The following NCOA2 variants were observed in gnomAD, a reference collection of about 807,000 sequenced individuals.
NCOA2 encodes the protein nuclear receptor coactivator 2, also known as class E basic helix-loop-helix protein 75.
A neutral mutation model predicts 145.1 loss-of-function variants in NCOA2; 21 were observed. The ratio of observed to expected loss-of-function variants is 0.14; its 90% CI spans 0.10 to 0.21. NCOA2 has a LOEUF of 0.21. Ranked by LOEUF, NCOA2 falls within the 10% of genes least tolerant of loss-of-function variation. The pLI, the probability that NCOA2 is intolerant of heterozygous loss-of-function variation, is 1.00. For synonymous variants in NCOA2, 619 were observed against 637.5 expected (o/e 0.97, Z 0.44); for missense variants, 1,472 against 1,837.6 (o/e 0.80, Z 3.64).
At chr8:70,425,745 G>A in the NCOA2 span, among the ~76,000 whole-genome samples, 2 of 152,232 alleles carry the variant, frequency 1.3e-5, no homozygotes, top group Non-Finnish European at 2.9e-5. Context: ...CAGACAGAAC[G>A]CAAGGGAGAA....
chr8:70,438,079 A>C, the NCOA2 span, among the ~76,000 whole-genome samples: 58 of 152,320 alleles, frequency 3.8e-4, no homozygotes, highest in African/African-American at 1.4e-3. Flanking sequence ...ATTGTTTCAG[A>C]GTTACATACT....
At chr8:70,312,201 A>G (rs1805184745) in intron 1 of NCOA2, among the ~76,000 whole-genome samples, 1 of 152,196 alleles carries the variant, frequency 6.6e-6, no homozygotes, top group African/African-American at 2.4e-5. Flanking sequence ...AGGGGAAAAA[A>G]TGGTGTTTAT....
intron 2 of NCOA2, among the ~76,000 whole-genome samples, chr8:70,294,919 C>T (rs1191420904): frequency 2.6e-5 from 4 of 152,164 alleles, no homozygotes; most frequent in Non-Finnish European, 5.9e-5. Context: ...CTGCAAATTG[C>T]ACTTGTAAAA....
At chr8:70,452,437 A>G in the NCOA2 span, among the ~76,000 whole-genome samples, 1 of 152,198 alleles carries the variant, frequency 6.6e-6, no homozygotes, top group African/African-American at 2.4e-5. Flanking sequence ...AGAGAAAATA[A>G]CAAGACTGGG....
the NCOA2 span, among the ~76,000 whole-genome samples, chr8:70,448,359 T>C: frequency 2.6e-5 from 4 of 152,208 alleles, no homozygotes; most frequent in Admixed American, 1.3e-4. Flanking sequence ...GTTGAAAATA[T>C]GTGTGTGTGC....
chr8:70,428,927 C>T, the NCOA2 span, among the ~76,000 whole-genome samples: 6 of 151,126 alleles, frequency 4.0e-5, no homozygotes, highest in Non-Finnish European at 8.8e-5. Context: ...CTGTGGGAAA[C>T]GACTATATAT....
chr8:70,287,572 C>T (rs934794512), intron 2 of NCOA2, among the ~76,000 whole-genome samples: 6 of 152,104 alleles, frequency 3.9e-5, no homozygotes, highest in Non-Finnish European at 8.8e-5. Flanking sequence ...CCTGTTTTTC[C>T]ATCTTTCAAA....
At chr8:70,420,975 AAAACTTAAGG>A in the NCOA2 span, among the ~76,000 whole-genome samples, 2 of 152,024 alleles carry the variant, frequency 1.3e-5, no homozygotes, top group Non-Finnish European at 2.9e-5. Flanking sequence ...GTTATCTTTA[AAAACTTAAGG>A]AGAAAGATTG....
intron 2 of NCOA2, among the ~76,000 whole-genome samples, chr8:70,239,047 C>T (rs1366282242): frequency 4.6e-5 from 7 of 152,052 alleles, no homozygotes; most frequent in Non-Finnish European, 8.8e-5. Context: ...AAGAAACCAC[C>T]TTCTGTTTAC....
At chr8:70,127,271 C>T (rs1808526587) in intron 18 of NCOA2, among the ~76,000 whole-genome samples, 1 of 152,142 alleles carries the variant, frequency 6.6e-6, no homozygotes, top group African/African-American at 2.4e-5. Flanking sequence ...TATGACTCAG[C>T]AGAGTTAAGT....
chr8:70,319,984 T>A (rs1473214072), intron 1 of NCOA2, among the ~76,000 whole-genome samples: 1 of 152,220 alleles, frequency 6.6e-6, no homozygotes, highest in East Asian at 1.9e-4. Context: ...TGGGTAGCCT[T>A]GTTTTCCATG....
At chr8:70,442,294 A>T in the NCOA2 span, among the ~76,000 whole-genome samples, 1 of 152,328 alleles carries the variant, frequency 6.6e-6, no homozygotes, top group South Asian at 2.1e-4. Context: ...AAGCCATTCT[A>T]GATGTATAGA....
chr8:70,265,393 C>G (rs1227008638), intron 2 of NCOA2, among the ~76,000 whole-genome samples: 1 of 152,128 alleles, frequency 6.6e-6, no homozygotes, highest in Non-Finnish European at 1.5e-5. Flanking sequence ...GTTTCAGTCA[C>G]CTAGTCTATG....
rs934998669 is a variant in NCOA2, at chr8:70,175,589, T to G, written c.260-730A>C. Among the ~76,000 whole-genome samples the G allele has an allele frequency of 4.6e-5, 7 of 152,234 alleles. No individual in the cohort carries two copies. In the South Asian group the frequency reaches 1.2e-3, roughly 27 times the overall value. On this transcript the variant is annotated intron_variant, in intron 4 of 22. Coordinates refer to ENST00000452400, the MANE Select transcript of NCOA2 (RefSeq NM_006540.4). ...CCCCGGAAGACATTTCTTCATAGAA[T>G]GAGAATGTTTTGTGAAAAAGCTCAC...
At chr8:70,267,657 G>C (rs1309121088) in intron 2 of NCOA2, among the ~76,000 whole-genome samples, 2 of 152,006 alleles carry the variant, frequency 1.3e-5, no homozygotes, top group African/African-American at 4.8e-5. Context: ...CTAGGTGATG[G>C]AAATGCTGTC....
chr8:70,206,965 T>C (rs1197435796), intron 4 of NCOA2, among the ~76,000 whole-genome samples: 1 of 152,202 alleles, frequency 6.6e-6, no homozygotes, highest in South Asian at 2.1e-4. Context: ...TCTTTAATAA[T>C]CACATTCCTT....
intron 1 of NCOA2, among the ~76,000 whole-genome samples, chr8:70,394,153 A>C (rs1348855337): frequency 6.6e-6 from 1 of 152,154 alleles, no homozygotes; most frequent in Non-Finnish European, 1.5e-5. Context: ...AATATAATAA[A>C]ATAACATGTT....
In NCOA2 at chr8:70,113,215, A is replaced by T. The variant is rs1374236540; in HGVS notation, c.*417T>A. 4.0e-6 allele frequency: 1 copy of T among 249,964 alleles called. No homozygotes were observed. The allele number at this position is 249,964 out of a possible 1,614,324, so 15.5% of individuals were successfully genotyped here. ...AGATAAAATCTTAATCTTTTGCACT[A>T]GACTGTTAGCCAGGGAAAACAAAGC... On this transcript the variant is annotated 3_prime_UTR_variant, in exon 23 of 23. Transcript: ENST00000452400.
At chr8:70,416,192 T>TTG in the NCOA2 span, among the ~76,000 whole-genome samples, 1 of 141,420 alleles carries the variant, frequency 7.1e-6, no homozygotes, top group African/African-American at 2.8e-5. Context: ...CCTCAGTTTT[T>TTG]TTGTTTTTTT....
Sources: gnomAD v4.1 joint callset for allele counts (sites outside exome capture counted in the v4.1 genomes callset) on GRCh38, gnomAD v4.1.1 for gene constraint, MANE v1.5 for transcripts, NCBI Gene and HGNC (gene_info 2026-07-23, HGNC 2026-07-21) for gene names.